Variants in PGAP1 observed in about 807,000 individuals in gnomAD.
PGAP1 encodes the protein GPI inositol-deacylase.
In PGAP1, 76 loss-of-function variants were observed where a neutral mutation model predicts 127.0. That is an observed-to-expected ratio of 0.60 (90% CI 0.50 to 0.72). The LOEUF is 0.72. Ranked by LOEUF, PGAP1 falls within the 30% of genes least tolerant of loss-of-function variation. PGAP1 has a pLI of 0.00. For missense variants in PGAP1, 982 were observed against 1,071.3 expected, an observed-to-expected ratio of 0.92 and a Z score of 1.16; for synonymous variants, 362 against 366.5, an observed-to-expected ratio of 0.99 and a Z score of 0.14.
intron 8 of PGAP1, among the ~76,000 whole-genome samples, chr2:196,892,907 T>C (rs1429032408): frequency 2.0e-5 from 3 of 152,082 alleles, no homozygotes; most frequent in African/African-American, 7.2e-5. Context: ...GTCATGTTAT[T>C]TTCAAGACAA....
intron 12 of PGAP1, among the ~76,000 whole-genome samples, chr2:196,882,911 G>A (rs1559352226): frequency 6.6e-6 from 1 of 152,146 alleles, no homozygotes; most frequent in African/African-American, 2.4e-5. Flanking sequence ...CGGTGAGAGA[G>A]GGCATCCTTG....
intron 7 of PGAP1, among the ~76,000 whole-genome samples, chr2:196,895,127 CA>C (rs1450608675): frequency 6.6e-6 from 1 of 152,130 alleles, no homozygotes; most frequent in African/African-American, 2.4e-5. Flanking sequence ...AACTCAGTTT[CA>C]TAAACAGTAT....
At chr2:196,870,915 A>G (rs1701390043) in intron 19 of PGAP1, 26 bp downstream of exon 19, 1 of 1,590,272 alleles carries the variant, frequency 6.3e-7, no homozygotes, top group African/African-American at 1.3e-5. Flanking sequence ...GCAGTAAATA[A>G]TCAACCAGCC....
chr2:196,872,918 C>A, intron 17 of PGAP1, 42 bp downstream of exon 17: 2 of 725,266 alleles, frequency 2.8e-6, no homozygotes, highest in South Asian at 3.4e-5. Context: ...ATCTATTATT[C>A]AAAAACACCA....
At chr2:196,922,454 G>A in intron 1 of PGAP1, 4 of 981,622 alleles carry the variant, frequency 4.1e-6, no homozygotes, top group Non-Finnish European at 3.6e-6. Flanking sequence ...AATAGTTATA[G>A]GGGCTCCATT....
At chr2:196,881,306 T>C (rs1353549564) in intron 12 of PGAP1, among the ~76,000 whole-genome samples, 1 of 152,224 alleles carries the variant, frequency 6.6e-6, no homozygotes, top group African/African-American at 2.4e-5. Flanking sequence ...GTCTTTGCTA[T>C]CATGAATGGT....
In PGAP1 at chr2:196,873,710, T is replaced by A; in HGVS notation, c.1475A>T (p.Asn492Ile). ...CTGTCCAAAGTTCAGAAGCTCTAGATTGTAGTATAGGCCATTTGTATTTAA... is the reference window on the plus strand; with the variant it reads ...CTGTCCAAAGTTCAGAAGCTCTAGAATGTAGTATAGGCCATTTGTATTTAA... Reference protein sequence around the residue: ...VVLNTNGLYYNLELLNFGQIY... With the variant: ...VVLNTNGLYYILELLNFGQIY... Residue 492 changes from asparagine (N) to isoleucine (I), a missense_variant, in exon 15 of 27, where the codon AAT becomes ATT. By Grantham distance (149) the Asn-to-Ile change is moderately radical. Coordinates refer to ENST00000354764, the MANE Select transcript of PGAP1 (RefSeq NM_024989.4). 6.2e-7 allele frequency: 1 copy of A among 1,612,050 alleles called. No homozygotes were observed. The highest frequency in any genetic ancestry group is 8.5e-7 in the Non-Finnish European group (1 of 1,178,396).
At chr2:196,894,002 C>T (rs1404101428) in intron 7 of PGAP1, among the ~76,000 whole-genome samples, 1 of 152,160 alleles carries the variant, frequency 6.6e-6, no homozygotes, top group Non-Finnish European at 1.5e-5. Context: ...CCTTTCCAAT[C>T]CCTTTGGAAG....
intron 20 of PGAP1, among the ~76,000 whole-genome samples, chr2:196,861,131 A>G (rs1376957792): frequency 1.3e-5 from 2 of 152,230 alleles, no homozygotes; most frequent in East Asian, 3.8e-4. Flanking sequence ...GGATATTTAT[A>G]TGCAGAAGAA....
intron 20 of PGAP1, among the ~76,000 whole-genome samples, chr2:196,849,339 C>G (rs1053245455): frequency 6.6e-6 from 1 of 150,592 alleles, no homozygotes; most frequent in African/African-American, 2.4e-5. Context: ...TCTTGGCTCA[C>G]GGCAACCTCT....
intron 13 of PGAP1, among the ~76,000 whole-genome samples, chr2:196,877,861 T>C (rs1358585847): frequency 1.3e-5 from 2 of 152,294 alleles, no homozygotes; most frequent in South Asian, 2.1e-4. Context: ...AACCTATCTG[T>C]TCATTACTCT....
rs764017790 is a variant in PGAP1 at position 196,865,129 on chromosome 2, A to T, written c.1768-49T>A. 44 of 1,029,584 alleles carry T rather than the reference A, an allele frequency of 4.3e-5. No individual in the cohort carries two copies. The East Asian group carries it at 1.1e-3, about 26-fold the overall frequency. The allele number at this position is 1,029,584 out of a possible 1,614,324, so 63.8% of individuals were successfully genotyped here. On this transcript the variant is annotated intron_variant, in intron 19 of 26. Transcript: ENST00000354764. ...GCAACTCCTGAATATTCATGTTAAT[A>T]AGTGTACTTTCACATAAAATTTAAA...
chr2:196,868,029 G>A (rs142153105), intron 19 of PGAP1, among the ~76,000 whole-genome samples: 556 of 152,292 alleles, frequency 3.7e-3, no homozygotes, highest in African/African-American at 0.013. Context: ...AGGCTCAGGA[G>A]TCAGACTCCT....
At chr2:196,899,597 C>T (rs1341785561) in intron 5 of PGAP1, among the ~76,000 whole-genome samples, 8 of 152,156 alleles carry the variant, frequency 5.3e-5, no homozygotes, top group Admixed American at 5.2e-4. Flanking sequence ...TGCATGTGTG[C>T]TAGAGTTGAA....
rs1209937829 is a variant in PGAP1, at chr2:196,839,285, C to T, written c.*1949G>A. On this transcript the variant is annotated 3_prime_UTR_variant, in exon 27 of 27. Transcript: ENST00000354764. ...CATGTAATCTGTAACTTGAGATACA[C>T]TAAAATATCAGGTGACAGAATAAAA... The T allele has an allele frequency of 6.6e-6, 1 of 152,448 alleles. No homozygotes were observed. The highest frequency in any genetic ancestry group is 2.4e-5 in the African/African-American group (1 of 41,424). The allele number at this position is 152,448 out of a possible 1,614,324, so 9.4% of individuals were successfully genotyped here. A position where few individuals can be genotyped will look rare whatever the true frequency, so the allele number is the denominator to read the frequency against.
intron 13 of PGAP1, 132 bp from the exon 14 acceptor site, chr2:196,875,953 T>C: frequency 1.9e-6 from 1 of 538,538 alleles, no homozygotes. Context: ...TATTACACTA[T>C]AATTCTGCCT....
At chr2:196,905,429 G>A (rs1300175190) in intron 4 of PGAP1, among the ~76,000 whole-genome samples, 1 of 152,152 alleles carries the variant, frequency 6.6e-6, no homozygotes, top group Non-Finnish European at 1.5e-5. Flanking sequence ...TGTACCAACA[G>A]AAAAACCGGG....
rs1020733841 is a variant in PGAP1, at chr2:196,847,206, G to C, written c.1953-6C>G. The C allele has an allele frequency of 2.5e-6, 4 of 1,591,116 alleles. No homozygotes were observed. The highest frequency in any genetic ancestry group is 2.6e-6 in the Non-Finnish European group (3 of 1,170,526). Reference sequence around the variant, plus strand: ...ATTCTTTAAACCATTTATACCTGTGGAGAAAAGAAAATATAAAAGCAAAAA... The same window carrying C: ...ATTCTTTAAACCATTTATACCTGTGCAGAAAAGAAAATATAAAAGCAAAAA... On this transcript the variant is annotated splice_polypyrimidine_tract_variant and splice_region_variant and intron_variant, in intron 21 of 26. Coordinates refer to ENST00000354764, the MANE Select transcript of PGAP1 (RefSeq NM_024989.4).
rs1367185610 is a variant in PGAP1 at position 196,870,965 on chromosome 2, A to T, written c.1743T>A (p.Thr581=). ...CCTGTCCAAGTATTTGTGAAAAGGA[A>T]GTCTTAACTGTCACCTAGTTTAAAA... is the stretch of plus-strand genomic sequence containing the variant. ...SDCRYEVTVK[T]SFSQILGQVV... The change falls in exon 19 of 27, where the codon ACT becomes ACA. Residue 581 remains threonine, a synonymous_variant. Coordinates refer to ENST00000354764, the MANE Select transcript of PGAP1 (RefSeq NM_024989.4). 6.2e-7 allele frequency: 1 copy of T among 1,607,224 alleles called. No homozygotes were observed. Among genetic ancestry groups the T allele is most frequent in the Admixed American group, 1.7e-5 (1 of 59,910 alleles).
Sources: gnomAD v4.1 joint callset for allele counts (sites outside exome capture counted in the v4.1 genomes callset) on GRCh38, gnomAD v4.1.1 for gene constraint, MANE v1.5 for transcripts, NCBI Gene and HGNC (gene_info 2026-07-23, HGNC 2026-07-21) for gene names.